The following CD96 variants were observed in gnomAD, a reference collection of about 807,000 sequenced individuals.
The protein encoded by CD96 is T-cell surface protein tactile.
In CD96, 70 loss-of-function variants were observed where a neutral mutation model predicts 71.3. The observed-to-expected ratio is 0.98, with a 90% CI of 0.81 to 1.20. CD96 has a LOEUF of 1.20. Among genes scored for constraint, CD96 ranks in the 50% most tolerant of loss-of-function variants. The pLI is 0.00. For synonymous variants in CD96, 248 were observed against 233.0 expected (o/e 1.06, Z -0.59); for missense variants, 742 against 677.5 (o/e 1.10, Z -1.06).
chr3:111,578,246 A>T (rs1479074012), intron 3 of CD96, among the ~76,000 whole-genome samples: 2 of 152,196 alleles, frequency 1.3e-5, no homozygotes, highest in African/African-American at 2.4e-5. Flanking sequence ...GTCCAAAAAA[A>T]TTCCAGGCAC....
chr3:111,601,012 A>T, intron 7 of CD96, 98 bp downstream of exon 7: 5 of 787,944 alleles, frequency 6.3e-6, no homozygotes, highest in Non-Finnish European at 1.0e-5. Flanking sequence ...ATAACGTTTT[A>T]ATCTCAGAAA....
At chr3:111,627,149 C>T (rs901384604) in intron 10 of CD96, among the ~76,000 whole-genome samples, 64 of 152,206 alleles carry the variant, frequency 4.2e-4, no homozygotes, top group African/African-American at 1.4e-3. Flanking sequence ...AACCCTGATC[C>T]GTTCTTCTTC....
chr3:111,618,601 T>C (rs1938364105), intron 8 of CD96, among the ~76,000 whole-genome samples: 1 of 150,626 alleles, frequency 6.6e-6, no homozygotes, highest in African/African-American at 2.4e-5. Flanking sequence ...TTTTTTTTTT[T>C]TGAGACAGAG....
Position 111,579,153 on chromosome 3 carries a change from G to T in CD96, c.670G>T (p.Asp224Tyr), listed in dbSNP as rs201505246. Residue 224 changes from aspartate (D) to tyrosine (Y), a missense_variant, in exon 4 of 14, where the codon GAT (aspartate) becomes TAT (tyrosine). Transcript: ENST00000352690. ...RLHLSPVQIF[D>Y]DGRKFSCHIR... is the part of the protein sequence containing the mutation. ...CCACCTCTCTCCAGTCCAAATCTTC[G>T]ATGATGGGCGGAAGTTCTCTTGCCA... 6.2e-7 allele frequency: 1 copy of T among 1,607,596 alleles called. No individual in the cohort carries two copies. The highest frequency in any genetic ancestry group is 1.7e-5 in the Admixed American group (1 of 60,020).
intron 8 of CD96, among the ~76,000 whole-genome samples, chr3:111,620,067 C>G (rs1222766308): frequency 6.6e-6 from 1 of 152,238 alleles, no homozygotes; most frequent in African/African-American, 2.4e-5. Context: ...ACATGTGAGA[C>G]CACACACTGG....
intron 2 of CD96, among the ~76,000 whole-genome samples, chr3:111,563,959 T>C (rs1343765497): frequency 6.6e-6 from 1 of 152,152 alleles, no homozygotes; most frequent in Non-Finnish European, 1.5e-5. Context: ...GAATATAAAA[T>C]CTTTGGCTCA....
chr3:111,551,042 T>A (rs927647228), intron 2 of CD96, among the ~76,000 whole-genome samples: 1 of 152,086 alleles, frequency 6.6e-6, no homozygotes, highest in Non-Finnish European at 1.5e-5. Context: ...GAACTTTAGC[T>A]TGATAATAAG....
chr3:111,571,187 G>T, intron 3 of CD96: 7 of 501,326 alleles, frequency 1.4e-5, no homozygotes, highest in South Asian at 6.9e-5. Flanking sequence ...TGGAGTAAGA[G>T]TTTTTTTGTT....
At chr3:111,662,259 C>A (rs112543132) in intron 14 of CD96, among the ~76,000 whole-genome samples, 2 of 152,224 alleles carry the variant, frequency 1.3e-5, no homozygotes, top group African/African-American at 4.8e-5. Flanking sequence ...CCCAGGAAAC[C>A]ATTTTTCCCT....
At chr3:111,585,462 A>G (rs1936667268) in intron 5 of CD96, 84 bp downstream of exon 5, 2 of 881,178 alleles carry the variant, frequency 2.3e-6, no homozygotes, top group South Asian at 1.3e-5. Flanking sequence ...ATGTTCTCTC[A>G]AAGAACTTTA....
At chr3:111,586,350 G>A (rs1157991929) in intron 5 of CD96, among the ~76,000 whole-genome samples, 2 of 152,044 alleles carry the variant, frequency 1.3e-5, no homozygotes, top group African/African-American at 2.4e-5. Context: ...ACAATCTCTG[G>A]TCTTACTGAA....
In CD96 at chr3:111,552,031, G is replaced by T. The variant is rs539602806; in HGVS notation, c.418+6629G>T. ...TGATATCTCCTTGTAGTTTTGATTT[G>T]CATTTCTCTAATTATCAGTGATGTT... On this transcript the variant is annotated intron_variant, in intron 2 of 13. Transcript: ENST00000352690. Among the ~76,000 whole-genome samples the T allele has an allele frequency of 5.9e-5, 9 of 152,068 alleles. No homozygotes were observed. In the South Asian group the frequency reaches 1.9e-3, roughly 32 times the overall value.
chr3:111,573,777 T>C (rs923752616), intron 3 of CD96, among the ~76,000 whole-genome samples: 14 of 145,060 alleles, frequency 9.7e-5, no homozygotes, highest in African/African-American at 3.4e-4. Context: ...ATATTTGTGC[T>C]ATTTATGTTA....
intron 12 of CD96, among the ~76,000 whole-genome samples, chr3:111,647,298 G>T (rs1939875392): frequency 6.6e-6 from 1 of 151,760 alleles, no homozygotes; most frequent in Non-Finnish European, 1.5e-5. Context: ...TAATAAAAAG[G>T]GTATATATTC....
chr3:111,585,904 C>T (rs1451168019), intron 5 of CD96, among the ~76,000 whole-genome samples: 1 of 152,092 alleles, frequency 6.6e-6, no homozygotes, highest in Non-Finnish European at 1.5e-5. Flanking sequence ...GGACCTCTGA[C>T]TTAACTTCTT....
intron 2 of CD96, among the ~76,000 whole-genome samples, chr3:111,554,592 A>T (rs1422920274): frequency 2.0e-5 from 3 of 152,106 alleles, no homozygotes; most frequent in Non-Finnish European, 4.4e-5. Context: ...CAAACTATAA[A>T]GTACACGTAT....
At chr3:111,612,792 C>T in intron 8 of CD96, 2 of 839,252 alleles carry the variant, frequency 2.4e-6, no homozygotes, top group Non-Finnish European at 2.9e-6. Context: ...AAACATGACA[C>T]CTATGCTTAT....
chr3:111,543,884 C>T (rs550205097), intron 1 of CD96, among the ~76,000 whole-genome samples: 1 of 152,314 alleles, frequency 6.6e-6, no homozygotes, highest in East Asian at 1.9e-4. Context: ...TTGCCTGAAA[C>T]CTGTATCCTG....
intron 8 of CD96, among the ~76,000 whole-genome samples, chr3:111,616,695 A>G (rs1244543593): frequency 6.6e-6 from 1 of 152,118 alleles, no homozygotes; most frequent in Non-Finnish European, 1.5e-5. Flanking sequence ...AGTCATTCTG[A>G]TGGCAGCAGC....
Sources: allele counts gnomAD v4.1 joint callset (sites outside exome capture counted in the v4.1 genomes callset), GRCh38; gene constraint gnomAD v4.1.1; transcripts MANE v1.5; gene names NCBI Gene and HGNC (gene_info 2026-07-23, HGNC 2026-07-21).